Variants in HOMER2 observed in about 807,000 individuals in gnomAD.
HOMER2 encodes the protein homer scaffold protein 2.
Under a neutral mutation model 47.0 loss-of-function variants are expected in HOMER2, and 27 were observed. That is an observed-to-expected ratio of 0.57 (90% CI 0.42 to 0.79). The LOEUF is 0.79. Ranked by LOEUF, HOMER2 falls within the 30% of genes least tolerant of loss-of-function variation. The pLI is 0.00. For synonymous variants in HOMER2, 161 were observed against 163.8 expected (o/e 0.98, Z 0.13); for missense variants, 443 against 435.0 (o/e 1.02, Z -0.16).
chr15:82,868,346 T>C (rs975476942), intron 3 of HOMER2, among the ~76,000 whole-genome samples: 10 of 151,232 alleles, frequency 6.6e-5, no homozygotes, highest in African/African-American at 2.4e-4. Context: ...TAGATCCCAT[T>C]TGTCACTTAT....
intron 3 of HOMER2, among the ~76,000 whole-genome samples, chr15:82,868,913 G>A (rs1054751377): frequency 2.0e-5 from 3 of 151,882 alleles, no homozygotes; most frequent in African/African-American, 4.8e-5. Context: ...ACTCAACTCT[G>A]GACTAGACGG....
In HOMER2 at chr15:82,852,178, G is replaced by C. The variant is rs563962950; in HGVS notation, c.726C>G (p.Ile242Met). ...KEKNTQLKRR[I>M]EELEAELREK... ...CTCGGAGCTCTGCCTCCAGCTCCTC[G>C]ATCCTCCTCTTCAGCTGCGTGTTCT... The change falls in exon 7 of 9, where the codon ATC becomes ATG. Residue 242 changes from isoleucine (I) to methionine (M), a missense_variant. Physicochemically the swap from Ile to Met is conservative, Grantham distance 10 (BLOSUM62 1). Coordinates refer to ENST00000450735, the MANE Select transcript of HOMER2 (RefSeq NM_004839.4). 5.6e-6 allele frequency: 9 copies of C among 1,613,812 alleles called. No individual in the cohort carries two copies. The highest frequency in any genetic ancestry group is 1.6e-4 in the Middle Eastern group (1 of 6,062).
chr15:82,925,386 C>T (rs1472685149), intron 1 of HOMER2, among the ~76,000 whole-genome samples: 1 of 152,184 alleles, frequency 6.6e-6, no homozygotes, highest in African/African-American at 2.4e-5. Flanking sequence ...TCCCCTGGGT[C>T]TCTCTGTAGC....
downstream of HOMER2, chr15:82,835,765 G>A (rs1402185389): frequency 6.6e-6 from 1 of 152,290 alleles, no homozygotes; most frequent in African/African-American, 2.4e-5. Context: ...GCTACTCGCT[G>A]GGCATCAGGT....
At chr15:82,847,169 A>T (rs2051264055), downstream of HOMER2, 1 of 152,230 alleles carries the variant, frequency 6.6e-6, no homozygotes, top group South Asian at 2.1e-4. Context: ...AACAGTACTG[A>T]GACTGGGCTG....
chr15:82,866,051 A>G (rs2458017), intron 3 of HOMER2, among the ~76,000 whole-genome samples: 126,116 of 152,152 alleles, frequency 0.83, 52,624 homozygotes, highest in East Asian at 0.93. Context: ...ACCCCAGAAT[A>G]GTAGATCAAC....
At chr15:82,959,549 C>T (rs950160541) in intron 1 of HOMER2, among the ~76,000 whole-genome samples, 6 of 152,138 alleles carry the variant, frequency 3.9e-5, no homozygotes, top group Middle Eastern at 3.2e-3. Context: ...TGGAAGTATA[C>T]GCATTAAGCC....
chr15:82,941,463 A>G (rs1406354060), intron 1 of HOMER2, among the ~76,000 whole-genome samples: 2 of 151,680 alleles, frequency 1.3e-5, no homozygotes, highest in Non-Finnish European at 2.9e-5. Flanking sequence ...AAAAAAAAAA[A>G]AAAATCCTAA....
chr15:82,957,355 C>T (rs1311810507), upstream of HOMER2, among the ~76,000 whole-genome samples: 1 of 151,470 alleles, frequency 6.6e-6, no homozygotes, highest in African/African-American at 2.4e-5. Flanking sequence ...AGTACATCTT[C>T]AATACATTAC....
intron 1 of HOMER2, among the ~76,000 whole-genome samples, chr15:82,965,578 A>G (rs1486979542): frequency 6.6e-6 from 1 of 152,026 alleles, no homozygotes; most frequent in Non-Finnish European, 1.5e-5. Flanking sequence ...CTGGATTTGT[A>G]TTTGGCCTCC....
chr15:82,853,995 C>T (rs926850572), intron 6 of HOMER2, among the ~76,000 whole-genome samples: 1 of 152,164 alleles, frequency 6.6e-6, no homozygotes, highest in East Asian at 1.9e-4. Context: ...CCTTCCTCCA[C>T]GGAGGGTCAC....
At chr15:82,948,601 C>T (rs1412052683) in intron 1 of HOMER2, among the ~76,000 whole-genome samples, 1 of 152,102 alleles carries the variant, frequency 6.6e-6, no homozygotes, top group Non-Finnish European at 1.5e-5. Context: ...TTAGATAGTT[C>T]TGGAGGTGGG....
chr15:82,877,426 T>A (rs1032576733), intron 2 of HOMER2, among the ~76,000 whole-genome samples: 3 of 152,124 alleles, frequency 2.0e-5, no homozygotes, highest in Non-Finnish European at 2.9e-5. Flanking sequence ...CGCCTTGGCC[T>A]CCCAAAGTGT....
intron 6 of HOMER2, 46 bp from the exon 7 acceptor site, chr15:82,852,298 T>C (rs2051422027): frequency 1.5e-6 from 2 of 1,334,696 alleles, no homozygotes; most frequent in East Asian, 4.6e-5. Context: ...AGCTTAACAT[T>C]AGTCATTAAG....
intron 2 of HOMER2, among the ~76,000 whole-genome samples, chr15:82,875,943 G>T (rs113297135): frequency 1.3e-5 from 2 of 152,204 alleles, no homozygotes; most frequent in African/African-American, 4.8e-5. Flanking sequence ...CTAATTATAC[G>T]GGTGTGAGTG....
intron 1 of HOMER2, chr15:82,925,979 A>T (rs948386120): frequency 8.5e-5 from 13 of 152,086 alleles, no homozygotes; most frequent in African/African-American, 3.1e-4. Flanking sequence ...ATTTCAATAC[A>T]CACATAGATG....
chr15:82,835,918 A>G (rs972056003), downstream of HOMER2: 8 of 152,246 alleles, frequency 5.3e-5, no homozygotes, highest in Admixed American at 5.2e-4. Flanking sequence ...GACTTTTCTT[A>G]TGCATATTTT....
intron 1 of HOMER2, among the ~76,000 whole-genome samples, chr15:82,924,363 T>C (rs1168692267): frequency 6.7e-6 from 1 of 148,888 alleles, no homozygotes; most frequent in African/African-American, 2.5e-5. Context: ...GCTGGCCCTT[T>C]TTTTTTTTTT....
chr15:82,855,162 C>A (rs1268341215), intron 5 of HOMER2, among the ~76,000 whole-genome samples: 1 of 151,824 alleles, frequency 6.6e-6, no homozygotes, highest in Non-Finnish European at 1.5e-5. Flanking sequence ...TGGTGAAAAC[C>A]TGTCTCTACT....
Sources: allele counts gnomAD v4.1 joint callset (sites outside exome capture counted in the v4.1 genomes callset), GRCh38; gene constraint gnomAD v4.1.1; transcripts MANE v1.5; gene names NCBI Gene and HGNC (gene_info 2026-07-23, HGNC 2026-07-21).